Variants in SPPL3 observed in about 807,000 individuals in gnomAD.
The protein encoded by SPPL3 is signal peptide peptidase like 3.
In SPPL3, 5 loss-of-function variants were observed where a neutral mutation model predicts 42.4. The observed-to-expected ratio is 0.12, with a 90% CI of 0.06 to 0.25. SPPL3 has a LOEUF of 0.25. Among genes scored for constraint, SPPL3 ranks in the 10% least tolerant of loss-of-function variants. SPPL3 has a pLI of 1.00. For synonymous variants in SPPL3, 195 were observed against 181.8 expected (o/e 1.07, Z -0.58); for missense variants, 235 against 489.0 (o/e 0.48, Z 4.90).
At position 120,879,538 on chromosome 12, in the gene SPPL3, CAG is replaced by C. The variant is rs950112502; in HGVS notation, c.23+24305_23+24306del. On this transcript the variant is annotated intron_variant, in intron 1 of 10. Coordinates refer to ENST00000353487, the MANE Select transcript of SPPL3 (RefSeq NM_139015.5). ...TCTTAATATTTAAAGCAAAATTAAA[CAG>C]AGATTTTTACCGCCCAACTTCTCAT... 1.7e-4 allele frequency among the ~76,000 whole-genome samples: 26 copies of C among 152,100 alleles called. 1 individual carries two copies. Among genetic ancestry groups the C allele is most frequent in the African/African-American group, 5.6e-4 (23 of 41,372 alleles).
chr12:120,853,897 T>C (rs1872345113), intron 1 of SPPL3, among the ~76,000 whole-genome samples: 1 of 151,840 alleles, frequency 6.6e-6, no homozygotes, highest in African/African-American at 2.4e-5. Flanking sequence ...GATGAATTTG[T>C]ATTTGGAATA....
intron 1 of SPPL3, among the ~76,000 whole-genome samples, chr12:120,813,465 C>T (rs934794600): frequency 2.0e-5 from 3 of 151,576 alleles, no homozygotes; most frequent in Non-Finnish European, 2.9e-5. Flanking sequence ...TTACAGGCGC[C>T]CCCCCACCAC....
chr12:120,901,623 A>C (rs1151853), intron 1 of SPPL3, among the ~76,000 whole-genome samples: 1 of 147,068 alleles, frequency 6.8e-6, no homozygotes, highest in African/African-American at 2.5e-5. Flanking sequence ...GAAACTGCCC[A>C]CTTTCCCCAG....
intron 1 of SPPL3, among the ~76,000 whole-genome samples, chr12:120,833,766 A>AGTGT (rs71076664): frequency 2.0e-3 from 292 of 146,722 alleles, no homozygotes; most frequent in African/African-American, 5.4e-3. Context: ...TGAGTTTTAA[A>AGTGT]GTGTGTGTGT....
chr12:120,863,241 C>T (rs1318577705), intron 1 of SPPL3, among the ~76,000 whole-genome samples: 1 of 151,832 alleles, frequency 6.6e-6, no homozygotes, highest in Non-Finnish European at 1.5e-5. Context: ...CCGGCTACTC[C>T]AGAGGCTAAG....
At chr12:120,863,607 G>A (rs1872676343) in intron 1 of SPPL3, among the ~76,000 whole-genome samples, 3 of 152,224 alleles carry the variant, frequency 2.0e-5, no homozygotes, top group Admixed American at 6.5e-5. Flanking sequence ...TCAGGTAATC[G>A]TAGATATTAT....
At chr12:120,775,320 T>A (rs534813755) in intron 6 of SPPL3, among the ~76,000 whole-genome samples, 2 of 152,194 alleles carry the variant, frequency 1.3e-5, no homozygotes, top group African/African-American at 4.8e-5. Context: ...CTTGGTTAAT[T>A]TTTTTATTTT....
intron 3 of SPPL3, among the ~76,000 whole-genome samples, chr12:120,787,121 A>G (rs937035194): frequency 6.6e-6 from 1 of 152,232 alleles, no homozygotes; most frequent in East Asian, 1.9e-4. Flanking sequence ...TGTAAGAACG[A>G]TGCTTTTGAC....
intron 1 of SPPL3, among the ~76,000 whole-genome samples, chr12:120,818,628 A>G (rs532791666): frequency 1.3e-5 from 2 of 152,304 alleles, no homozygotes; most frequent in South Asian, 4.1e-4. Context: ...TATACAATGA[A>G]AGCATTCTTG....
chr12:120,823,563 C>T (rs899175841), intron 1 of SPPL3, among the ~76,000 whole-genome samples: 7 of 152,166 alleles, frequency 4.6e-5, no homozygotes, highest in African/African-American at 1.2e-4. Context: ...TCTCTGGCTC[C>T]GTATTTTCTC....
intron 5 of SPPL3, 92 bp from the exon 6 acceptor site, chr12:120,782,859 A>T (rs1320210377): frequency 2.2e-6 from 2 of 899,452 alleles, no homozygotes; most frequent in Non-Finnish European, 3.5e-6. Flanking sequence ...GGATTAGAAT[A>T]GCAGATAATA....
chr12:120,898,532 A>G (rs1424631682), intron 1 of SPPL3, among the ~76,000 whole-genome samples: 1 of 151,964 alleles, frequency 6.6e-6, no homozygotes, highest in African/African-American at 2.4e-5. Context: ...GTGTGGCCAA[A>G]ACCCATACTT....
At chr12:120,772,648 G>A (rs1869165860) in intron 6 of SPPL3, among the ~76,000 whole-genome samples, 1 of 152,154 alleles carries the variant, frequency 6.6e-6, no homozygotes, top group Non-Finnish European at 1.5e-5. Flanking sequence ...GTCAATATAT[G>A]TAATAAAGTG....
intron 1 of SPPL3, among the ~76,000 whole-genome samples, chr12:120,842,821 G>C (rs1490584183): frequency 6.6e-6 from 1 of 152,088 alleles, no homozygotes; most frequent in Non-Finnish European, 1.5e-5. Context: ...TGGGTGGAGG[G>C]AGGGGACACA....
chr12:120,791,789 C>T, intron 2 of SPPL3: 2 of 454,524 alleles, frequency 4.4e-6, no homozygotes, highest in Non-Finnish European at 7.8e-6. Context: ...GCTGAATCTT[C>T]CACTCCTATC....
intron 1 of SPPL3, among the ~76,000 whole-genome samples, chr12:120,854,447 G>A (rs1338574942): frequency 6.6e-6 from 1 of 152,130 alleles, no homozygotes; most frequent in Non-Finnish European, 1.5e-5. Flanking sequence ...CAAGCCAACA[G>A]CACAGGTCTT....
intron 1 of SPPL3, among the ~76,000 whole-genome samples, chr12:120,870,635 T>G (rs191757871): frequency 6.6e-6 from 1 of 151,966 alleles, no homozygotes; most frequent in African/African-American, 2.4e-5. Context: ...TACATTCAAA[T>G]ATTACTCAGC....
Position 120,768,611 on chromosome 12 carries a change from G to GT in SPPL3, c.610-124dup, listed in dbSNP as rs1868993122. On this transcript the variant is annotated intron_variant, in intron 7 of 10. Transcript: ENST00000353487. ...TGTGACTGCAATGCTTTCGTTGACT[G>GT]TATGATTTGAGAAAATCTTTGCTCT... 3 of 1,149,598 alleles carry GT rather than the reference G, an allele frequency of 2.6e-6. No homozygotes were observed. In the Admixed American group the frequency reaches 7.3e-5, roughly 28 times the overall value. The allele number at this position is 1,149,598 out of a possible 1,614,324, so 71.2% of individuals were successfully genotyped here.
intron 2 of SPPL3, among the ~76,000 whole-genome samples, chr12:120,793,420 A>AG (rs1039914905): frequency 2.4e-4 from 37 of 152,306 alleles, no homozygotes; most frequent in African/African-American, 8.7e-4. Context: ...ACTTGAGCCC[A>AG]GGAGGTCAAG....
Sources: gnomAD v4.1 joint callset for allele counts (sites outside exome capture counted in the v4.1 genomes callset) on GRCh38, gnomAD v4.1.1 for gene constraint, MANE v1.5 for transcripts, NCBI Gene and HGNC (gene_info 2026-07-23, HGNC 2026-07-21) for gene names.